EFR3A: variants seen among roughly 807,000 people sequenced by gnomAD.
The protein encoded by EFR3A is EFR3 homolog A.
Under a neutral mutation model 104.4 loss-of-function variants are expected in EFR3A, and 76 were observed. The observed-to-expected ratio is 0.73, with a 90% CI of 0.60 to 0.88. The LOEUF (loss-of-function observed/expected upper bound fraction) is 0.88, where lower values mean the gene tolerates loss of function less well. Ranked by LOEUF, EFR3A falls within the 40% of genes least tolerant of loss-of-function variation. The pLI is 0.00. For missense variants in EFR3A, 985 were observed against 1,012.5 expected (o/e 0.97, Z 0.37); for synonymous variants, 330 against 330.0 (o/e 1.00, Z 0.00).
intron 8 of EFR3A, among the ~76,000 whole-genome samples, chr8:131,960,939 C>A (rs1563666357): frequency 6.6e-6 from 1 of 152,238 alleles, no homozygotes; most frequent in East Asian, 1.9e-4. Context: ...CTGCTGATAC[C>A]CAGGCAAACA....
intron 18 of EFR3A, among the ~76,000 whole-genome samples, chr8:131,994,644 TAAGAGTTTAGGTAAGAAAAGATG>T (rs1437994551): frequency 6.6e-6 from 1 of 152,168 alleles, no homozygotes; most frequent in Non-Finnish European, 1.5e-5. Context: ...AAAGCTATAC[TAAGAGTTTAGGTAAGAAAAGATG>T]AAGATTTTGA....
At chr8:131,964,116 T>C (rs1267684081) in intron 8 of EFR3A, among the ~76,000 whole-genome samples, 2 of 152,094 alleles carry the variant, frequency 1.3e-5, no homozygotes, top group African/African-American at 2.4e-5. Context: ...GCCAATATCA[T>C]ACTGAATGGG....
rs557123393 is a variant in EFR3A at position 132,001,620 on chromosome 8, T to C, written c.2158-139T>C. On this transcript the variant is annotated intron_variant, in intron 19 of 22. Coordinates refer to ENST00000254624, the MANE Select transcript of EFR3A (RefSeq NM_015137.6). ...GGAGATTATTTGGTACTGTGGAGTA[T>C]AATCACAGCTCACAGCTCAGACCCA... The C allele has an allele frequency of 1.4e-4, 98 of 679,004 alleles. 1 individual carries two copies. In the South Asian group the frequency reaches 1.7e-3, roughly 12 times the overall value. The allele number at this position is 679,004 out of a possible 1,614,324, so 42.1% of individuals were successfully genotyped here.
At chr8:131,949,209 AAAT>A (rs764193134) in intron 4 of EFR3A, among the ~76,000 whole-genome samples, 3 of 152,130 alleles carry the variant, frequency 2.0e-5, no homozygotes, top group Non-Finnish European at 2.9e-5. Context: ...TCTTTAAAAG[AAAT>A]AATACAGTAT....
intron 8 of EFR3A, among the ~76,000 whole-genome samples, chr8:131,959,952 G>A (rs1404160868): frequency 1.3e-5 from 2 of 152,226 alleles, no homozygotes; most frequent in Non-Finnish European, 2.9e-5. Context: ...CATTGAGGGT[G>A]TTGTCTTTTA....
intron 1 of EFR3A, among the ~76,000 whole-genome samples, chr8:131,905,782 C>A (rs1329160451): frequency 6.6e-6 from 1 of 152,114 alleles, no homozygotes; most frequent in Non-Finnish European, 1.5e-5. Flanking sequence ...TTCTGAGAAA[C>A]CAAAGGGGAG....
chr8:131,916,615 G>A (rs994559153), intron 1 of EFR3A, among the ~76,000 whole-genome samples: 1 of 152,198 alleles, frequency 6.6e-6, no homozygotes, highest in African/African-American at 2.4e-5. Context: ...AACTCTTGAG[G>A]AACATGTTTA....
chr8:131,975,132 T>C (rs1366392574), intron 10 of EFR3A, among the ~76,000 whole-genome samples: 1 of 152,296 alleles, frequency 6.6e-6, no homozygotes, highest in South Asian at 2.1e-4. Context: ...GAAACTAGAC[T>C]GCATAAGAAA....
chr8:131,977,030 G>T lies in EFR3A; in HGVS notation c.1275-11G>T, dbSNP rs1820357076. 1.9e-6 allele frequency: 3 copies of T among 1,582,286 alleles called. No individual in the cohort carries two copies. In the African/African-American group the frequency reaches 4.0e-5, roughly 21 times the overall value. ...AATTAGTATAATAATTCAGCCTTTT[G>T]TATATTTTAGGGATTTGGGAACCAG... On this transcript the variant is annotated splice_polypyrimidine_tract_variant and intron_variant, in intron 11 of 22. Transcript: ENST00000254624.
At chr8:131,964,796 C>T (rs981769460) in intron 8 of EFR3A, among the ~76,000 whole-genome samples, 6 of 152,166 alleles carry the variant, frequency 3.9e-5, no homozygotes, top group South Asian at 2.1e-4. Context: ...GGAGTCATCA[C>T]GCTACCTGAC....
Position 131,940,540 on chromosome 8 carries a change from C to T in EFR3A, c.52C>T (p.Arg18Cys), listed in dbSNP as rs369257948. ...TTCCGCTTTGCGTCCTCGCTACAAA[C>T]GCCTGGTGGACAACATATTCCCTGA... Reference protein sequence around the residue: ...CCSALRPRYKRLVDNIFPEDP... With the variant: ...CCSALRPRYKCLVDNIFPEDP... Residue 18 changes from arginine to cysteine, a missense_variant, in exon 2 of 23, where the codon CGC (arginine) becomes TGC (cysteine). Physicochemically the swap from Arg to Cys is radical, Grantham distance 180 (BLOSUM62 -3). Transcript: ENST00000254624. The T allele has an allele frequency of 1.4e-5, 22 of 1,608,122 alleles. No homozygotes were observed. The highest frequency in any genetic ancestry group is 3.3e-4 in the Middle Eastern group (2 of 6,066).
chr8:131,998,662 C>T (rs146096444), intron 19 of EFR3A, among the ~76,000 whole-genome samples: 67 of 152,042 alleles, frequency 4.4e-4, no homozygotes, highest in African/African-American at 1.6e-3. Context: ...CTAAATAATG[C>T]ATTATTTCTT....
chr8:131,970,663 C>G lies in EFR3A; in HGVS notation c.1159+20C>G. 2 of 1,602,502 alleles carry G rather than the reference C, an allele frequency of 1.2e-6. No homozygotes were observed. The highest frequency in any genetic ancestry group is 1.7e-6 in the Non-Finnish European group (2 of 1,173,254). On this transcript the variant is annotated intron_variant, in intron 10 of 22. Coordinates refer to ENST00000254624, the MANE Select transcript of EFR3A (RefSeq NM_015137.6). ...CAATAGGTGAGTACATTTCACTTTT[C>G]AAAACTATCATGTAAAACAGTGATT...
Position 132,010,786 on chromosome 8 carries a change from A to T in EFR3A, c.2361-4A>T, listed in dbSNP as rs774620206. ...GCTGACAATGTATTTTTGTTCTTTT[A>T]TAGTCCTCCTCCCAGTCCATCAGGA... On this transcript the variant is annotated splice_polypyrimidine_tract_variant and splice_region_variant and intron_variant, in intron 22 of 22. Transcript: ENST00000254624. The T allele has an allele frequency of 6.2e-7, 1 of 1,611,518 alleles. No individual in the cohort carries two copies. Among genetic ancestry groups the T allele is most frequent in the South Asian group, 1.1e-5 (1 of 90,950 alleles).
At chr8:131,924,152 T>G (rs1390881354) in intron 1 of EFR3A, 1 of 433,276 alleles carries the variant, frequency 2.3e-6, no homozygotes, top group African/African-American at 2.0e-5. Context: ...TAGAGATCAT[T>G]TATTACCAGA....
chr8:131,986,068 A>G (rs907842318), intron 16 of EFR3A, 126 bp from the exon 17 acceptor site: 1 of 466,236 alleles, frequency 2.1e-6, no homozygotes. Flanking sequence ...AAATTCAAAA[A>G]CAAAGTGATG....
intron 1 of EFR3A, among the ~76,000 whole-genome samples, chr8:131,913,187 G>A (rs1007004750): frequency 1.3e-5 from 2 of 150,132 alleles, no homozygotes; most frequent in Non-Finnish European, 3.0e-5. Context: ...CAGTTCTAGG[G>A]AAGTATGATC....
At chr8:131,979,087 A>G in intron 13 of EFR3A, 68 bp downstream of exon 13, 2 of 1,418,066 alleles carry the variant, frequency 1.4e-6, no homozygotes. Flanking sequence ...GTATTTAAGT[A>G]TTGTGATTTT....
chr8:131,941,339 CAA>C lies in EFR3A; in HGVS notation c.87+772_87+773del, dbSNP rs552745423. Among the ~76,000 whole-genome samples, 280 of 150,264 alleles carry C rather than the reference CAA, an allele frequency of 1.9e-3. 2 individuals carry two copies. Among genetic ancestry groups the C allele is most frequent in the African/African-American group, 6.6e-3 (272 of 41,058 alleles). On this transcript the variant is annotated intron_variant, in intron 2 of 22. Coordinates refer to ENST00000254624, the MANE Select transcript of EFR3A (RefSeq NM_015137.6). ...TAGTCTCCTGTTAAATGAATAGGAA[CAA>C]AAAAAAAGTTACATGGCTTTTGACT...
Sources: allele counts gnomAD v4.1 joint callset (sites outside exome capture counted in the v4.1 genomes callset), GRCh38; gene constraint gnomAD v4.1.1; transcripts MANE v1.5; gene names NCBI Gene and HGNC (gene_info 2026-07-23, HGNC 2026-07-21).